LSAMP: variants seen among roughly 807,000 people sequenced by gnomAD.
LSAMP encodes the protein limbic system associated membrane protein.
In LSAMP, 7 loss-of-function variants were observed where a neutral mutation model predicts 38.6. The ratio of observed to expected loss-of-function variants is 0.18; its 90% confidence interval spans 0.10 to 0.34. LSAMP has a LOEUF of 0.34. LSAMP is among the 10% of genes least tolerant of loss of function. The pLI is 1.00. For missense variants in LSAMP, 313 were observed against 420.0 expected, an observed-to-expected ratio of 0.75 and a Z score of 2.23; for synonymous variants, 154 against 166.8, an observed-to-expected ratio of 0.92 and a Z score of 0.59.
chr3:116,261,917 T>C (rs1287983077), intron 1 of LSAMP, among the ~76,000 whole-genome samples: 7 of 150,008 alleles, frequency 4.7e-5, no homozygotes, highest in Non-Finnish European at 1.5e-5. Context: ...TATAATTACA[T>C]ATATATATCT....
intron 3 of LSAMP, among the ~76,000 whole-genome samples, chr3:115,870,270 C>T (rs1935994523): frequency 6.6e-6 from 1 of 152,054 alleles, no homozygotes. Context: ...GAGGAACAAG[C>T]TCTAACATGC....
At chr3:115,977,274 C>T (rs553389627) in intron 3 of LSAMP, among the ~76,000 whole-genome samples, 135 of 152,276 alleles carry the variant, frequency 8.9e-4, no homozygotes, top group African/African-American at 3.0e-3. Flanking sequence ...AAAGAAAATT[C>T]TCATAGTCAC....
At chr3:116,057,612 A>G (rs1011175801) in intron 2 of LSAMP, among the ~76,000 whole-genome samples, 3 of 152,128 alleles carry the variant, frequency 2.0e-5, no homozygotes, top group African/African-American at 7.2e-5. Flanking sequence ...GACAGAGGAG[A>G]GAGGTTGGCT....
intron 2 of LSAMP, among the ~76,000 whole-genome samples, chr3:116,023,396 C>A (rs1410968503): frequency 1.3e-5 from 2 of 151,204 alleles, no homozygotes; most frequent in Non-Finnish European, 2.9e-5. Context: ...AGATCGAGAC[C>A]ATCCTGGCTA....
chr3:115,863,586 G>GTA (rs1258744728), intron 3 of LSAMP, among the ~76,000 whole-genome samples: 28 of 151,024 alleles, frequency 1.9e-4, no homozygotes, highest in South Asian at 4.2e-4. Flanking sequence ...CATATATATT[G>GTA]TATATATATA....
chr3:115,955,117 G>A (rs1559895568), intron 3 of LSAMP, among the ~76,000 whole-genome samples: 1 of 152,036 alleles, frequency 6.6e-6, no homozygotes, highest in Non-Finnish European at 1.5e-5. Flanking sequence ...TGTATTTTTA[G>A]TAGAGACGGG....
intron 3 of LSAMP, among the ~76,000 whole-genome samples, chr3:115,884,604 C>CGG: frequency 6.6e-6 from 1 of 151,998 alleles, no homozygotes; most frequent in South Asian, 2.1e-4. Context: ...AAGATGACTA[C>CGG]GGAGGGCTCG....
At chr3:116,307,761 T>G (rs1412161987) in intron 1 of LSAMP, among the ~76,000 whole-genome samples, 1 of 151,892 alleles carries the variant, frequency 6.6e-6, no homozygotes. Flanking sequence ...AGAAACAGCT[T>G]ATGATATACC....
intron 3 of LSAMP, among the ~76,000 whole-genome samples, chr3:115,959,679 C>T (rs2107591782): frequency 6.6e-6 from 1 of 152,310 alleles, no homozygotes; most frequent in Non-Finnish European, 1.5e-5. Flanking sequence ...GCCTATCTCA[C>T]AGGTTTGTAA....
chr3:116,288,525 A>C (rs536702897), intron 1 of LSAMP, among the ~76,000 whole-genome samples: 1 of 152,248 alleles, frequency 6.6e-6, no homozygotes, highest in African/African-American at 2.4e-5. Flanking sequence ...GATCGGTGAA[A>C]CTTCTAATCT....
At chr3:115,875,304 C>T (rs912350695) in intron 3 of LSAMP, among the ~76,000 whole-genome samples, 3 of 152,070 alleles carry the variant, frequency 2.0e-5, no homozygotes, top group Non-Finnish European at 4.4e-5. Flanking sequence ...AGATTTTCCT[C>T]CTGCTCTCAC....
intron 2 of LSAMP, among the ~76,000 whole-genome samples, chr3:116,043,973 A>G (rs1367536807): frequency 6.6e-6 from 1 of 152,170 alleles, no homozygotes; most frequent in Non-Finnish European, 1.5e-5. Flanking sequence ...AAAATTAAAG[A>G]AAAATTCTTA....
At chr3:116,389,817 T>G (rs1167352657) in intron 1 of LSAMP, among the ~76,000 whole-genome samples, 3 of 152,188 alleles carry the variant, frequency 2.0e-5, no homozygotes, top group Non-Finnish European at 4.4e-5. Context: ...TCACTAATTC[T>G]GTGAAATTTT....
At chr3:116,082,990 G>A (rs1263331375) in intron 2 of LSAMP, among the ~76,000 whole-genome samples, 1 of 152,056 alleles carries the variant, frequency 6.6e-6, no homozygotes, top group African/African-American at 2.4e-5. Flanking sequence ...CCCCTCTGAC[G>A]TGTTTAGCTA....
intron 1 of LSAMP, among the ~76,000 whole-genome samples, chr3:116,129,254 G>A (rs923820135): frequency 5.3e-5 from 8 of 152,088 alleles, no homozygotes; most frequent in Non-Finnish European, 8.8e-5. Flanking sequence ...TTTCTATTGC[G>A]TACACAACAG....
chr3:116,039,736 A>C, intron 2 of LSAMP, among the ~76,000 whole-genome samples: 1 of 152,238 alleles, frequency 6.6e-6, no homozygotes, highest in East Asian at 1.9e-4. Context: ...GAGAGGCCAC[A>C]GGAAAACCTT....
chr3:116,267,745 G>T (rs975754888), intron 1 of LSAMP, among the ~76,000 whole-genome samples: 1 of 152,080 alleles, frequency 6.6e-6, no homozygotes, highest in Non-Finnish European at 1.5e-5. Flanking sequence ...TCCGCCTGCA[G>T]CAGAGACTGA....
intron 4 of LSAMP, among the ~76,000 whole-genome samples, chr3:115,850,453 G>A (rs181311258): frequency 1.4e-4 from 21 of 152,294 alleles, no homozygotes; most frequent in Non-Finnish European, 2.6e-4. Flanking sequence ...ATGGTTGTGT[G>A]TACATAAAAG....
At position 116,173,021 on chromosome 3, in the gene LSAMP, C is replaced by T. The variant is rs532637262; in HGVS notation, c.156-86465G>A. Among the ~76,000 whole-genome samples the T allele has an allele frequency of 8.5e-5, 13 of 152,082 alleles. No individual in the cohort carries two copies. In the East Asian group the frequency reaches 2.3e-3, roughly 27 times the overall value. ...AGTAAATTGTAAATAGTGCTATCCA[C>T]TAAATTCTCAAAAATCTTAAGATCG... On this transcript the variant is annotated intron_variant, in intron 1 of 6. Transcript: ENST00000490035.
Sources: gnomAD v4.1 joint callset for allele counts (sites outside exome capture counted in the v4.1 genomes callset) on GRCh38, gnomAD v4.1.1 for gene constraint, MANE v1.5 for transcripts, NCBI Gene and HGNC (gene_info 2026-07-23, HGNC 2026-07-21) for gene names.